Variants in VGLL4 observed in about 807,000 individuals in gnomAD.
VGLL4 encodes the protein transcription cofactor vestigial-like protein 4.
In VGLL4, 7 loss-of-function variants were observed where a neutral mutation model predicts 21.0. The ratio of observed to expected loss-of-function variants is 0.33; its 90% CI spans 0.19 to 0.63. The LOEUF (loss-of-function observed/expected upper bound fraction) is 0.63, where lower values mean the gene tolerates loss of function less well. Among genes scored for constraint, VGLL4 ranks in the 20% least tolerant of loss-of-function variants. VGLL4 has a pLI of 0.78. For missense variants in VGLL4, 394 were observed against 425.7 expected (o/e 0.93, Z 0.66); for synonymous variants, 222 against 173.2 (o/e 1.28, Z -2.21).
intron 2 of VGLL4, among the ~76,000 whole-genome samples, chr3:11,576,787 G>T (rs2074063062): frequency 6.6e-6 from 1 of 152,240 alleles, no homozygotes; most frequent in African/African-American, 2.4e-5. Context: ...AAAGTGGAGG[G>T]CAGGACCCAC....
intron 1 of VGLL4, among the ~76,000 whole-genome samples, chr3:11,613,137 G>A (rs1191971626): frequency 1.3e-5 from 2 of 152,056 alleles, no homozygotes; most frequent in Non-Finnish European, 2.9e-5. Context: ...TGGTTGCCAC[G>A]AAACAGAGGG....
intron 2 of VGLL4, among the ~76,000 whole-genome samples, chr3:11,572,833 T>C (rs1386452093): frequency 2.0e-5 from 3 of 152,164 alleles, no homozygotes; most frequent in African/African-American, 7.2e-5. Flanking sequence ...CGTTCCTTTA[T>C]GGACCGGCGC....
chr3:11,588,589 G>A (rs868608071), intron 2 of VGLL4, among the ~76,000 whole-genome samples: 7 of 152,238 alleles, frequency 4.6e-5, no homozygotes, highest in African/African-American at 1.7e-4. Context: ...CCAGCCAGGA[G>A]GGCACTGCCG....
intron 2 of VGLL4, among the ~76,000 whole-genome samples, chr3:11,695,476 T>C (rs542441793): frequency 2.0e-5 from 3 of 152,104 alleles, no homozygotes; most frequent in Non-Finnish European, 4.4e-5. Context: ...TGTGTATATA[T>C]ATATAAAACA....
upstream of VGLL4, among the ~76,000 whole-genome samples, chr3:11,720,931 A>T (rs1322358079): frequency 1.3e-5 from 2 of 152,186 alleles, no homozygotes; most frequent in Admixed American, 1.3e-4. Context: ...GCCCCCCGCC[A>T]TCCCCAGCAA....
At chr3:11,664,449 T>G (rs575727778) in intron 2 of VGLL4, among the ~76,000 whole-genome samples, 5 of 152,296 alleles carry the variant, frequency 3.3e-5, no homozygotes, top group Non-Finnish European at 5.9e-5. Context: ...ACCTCTGCTT[T>G]CTGAAGCTCA....
chr3:11,595,864 A>T (rs2125253848), intron 2 of VGLL4, among the ~76,000 whole-genome samples: 1 of 151,218 alleles, frequency 6.6e-6, no homozygotes, highest in Admixed American at 6.6e-5. Context: ...GAATAGCATT[A>T]GGAGATATAC....
intron 2 of VGLL4, among the ~76,000 whole-genome samples, chr3:11,678,618 A>G (rs1226928912): frequency 6.6e-6 from 1 of 152,200 alleles, no homozygotes; most frequent in Non-Finnish European, 1.5e-5. Context: ...ACTTGAGTCC[A>G]GGAGGTCGAG....
chr3:11,663,017 C>CAGT (rs1387008412), intron 2 of VGLL4, among the ~76,000 whole-genome samples: 1 of 152,082 alleles, frequency 6.6e-6, no homozygotes, highest in African/African-American at 2.4e-5. Flanking sequence ...GGTTTGCTTG[C>CAGT]AGTAGTTAGG....
chr3:11,665,641 C>CA (rs1029130292), intron 2 of VGLL4, among the ~76,000 whole-genome samples: 133 of 152,374 alleles, frequency 8.7e-4, no homozygotes, highest in African/African-American at 3.2e-3. Context: ...AGGCGCCTGA[C>CA]AAAGTCTCCA....
intron 2 of VGLL4, among the ~76,000 whole-genome samples, chr3:11,588,775 G>C (rs1273268641): frequency 6.6e-6 from 1 of 152,238 alleles, no homozygotes; most frequent in Non-Finnish European, 1.5e-5. Flanking sequence ...TGAAGTGCTG[G>C]AAGAACAATG....
chr3:11,718,322 G>C (rs535172265), intron 1 of VGLL4, among the ~76,000 whole-genome samples: 3 of 152,170 alleles, frequency 2.0e-5, no homozygotes, highest in African/African-American at 7.2e-5. Context: ...TCTGAATCAA[G>C]TATTTCTAAA....
rs187821140 is a variant in VGLL4 at position 11,621,481 on chromosome 3, C to T, written c.83-19459G>A. Among the ~76,000 whole-genome samples, 40 of 152,276 alleles carry T rather than the reference C, an allele frequency of 2.6e-4. No homozygotes were observed. In the East Asian group the frequency reaches 6.2e-3, roughly 23 times the overall value. On this transcript the variant is annotated intron_variant, in intron 1 of 4. Transcript: ENST00000430365. The stretch of plus-strand genomic sequence containing the variant: ...ACTCATAATGTTTTAAAAGTTCATC[C>T]ATGTTGTAACGTATGTCAGTACTAT...
chr3:11,569,058 T>C (rs1206788419), intron 2 of VGLL4: 5 of 482,436 alleles, frequency 1.0e-5, no homozygotes, highest in Non-Finnish European at 1.4e-5. Flanking sequence ...AAACCAAGAA[T>C]GTCCATAACA....
intron 2 of VGLL4, among the ~76,000 whole-genome samples, chr3:11,698,931 T>G (rs2076642126): frequency 6.6e-6 from 1 of 152,220 alleles, no homozygotes; most frequent in South Asian, 2.1e-4. Flanking sequence ...AAGTTTTCAG[T>G]TCTCCAGGAG....
At chr3:11,631,507 G>T (rs938202025) in intron 1 of VGLL4, among the ~76,000 whole-genome samples, 2 of 152,158 alleles carry the variant, frequency 1.3e-5, no homozygotes, top group Middle Eastern at 3.4e-3. Context: ...CAACAAATCA[G>T]CTTAAACAGC....
At chr3:11,698,934 T>A (rs1427091983) in intron 2 of VGLL4, among the ~76,000 whole-genome samples, 1 of 152,200 alleles carries the variant, frequency 6.6e-6, no homozygotes, top group African/African-American at 2.4e-5. Context: ...TTTTCAGTTC[T>A]CCAGGAGCAA....
chr3:11,653,932 G>A lies in VGLL4; in HGVS notation c.64+49039C>T, dbSNP rs55847538. Among the ~76,000 whole-genome samples, 604 of 152,228 alleles carry A rather than the reference G, an allele frequency of 4.0e-3. 2 individuals carry two copies. The highest frequency in any genetic ancestry group is 0.014 in the African/African-American group (570 of 41,546). Reference sequence around the variant, plus strand: ...TCACCCGAGACAACACAGAGGGAAGGGCCCCGGCCAGAGGCTCTCAACCAA... The same window carrying A: ...TCACCCGAGACAACACAGAGGGAAGAGCCCCGGCCAGAGGCTCTCAACCAA... On this transcript the variant is annotated intron_variant, in intron 2 of 5. Transcript: ENST00000273038. The surrounding 1 kb of genome is among the most constrained non-coding windows in gnomAD (Gnocchi z 4.2).
intron 2 of VGLL4, among the ~76,000 whole-genome samples, chr3:11,678,979 G>A (rs948532073): frequency 2.6e-5 from 4 of 152,176 alleles, no homozygotes; most frequent in Non-Finnish European, 5.9e-5. Context: ...TGATGCTGGT[G>A]TAAACACACC....
Sources: gnomAD v4.1 joint callset for allele counts (sites outside exome capture counted in the v4.1 genomes callset) on GRCh38, gnomAD v4.1.1 for gene constraint, Gnocchi (gnomAD v3.1) non-coding constraint, MANE v1.5 for transcripts, NCBI Gene and HGNC (gene_info 2026-07-23, HGNC 2026-07-21) for gene names.